AR: variants seen among roughly 807,000 people sequenced by gnomAD.
The protein encoded by AR is androgen receptor, also known as dihydrotestosterone receptor.
AR carries 8 observed loss-of-function variants against 53.9 expected under a neutral mutation model. That is an observed-to-expected ratio of 0.15 (90% CI 0.09 to 0.27). AR has a LOEUF of 0.27. Among genes scored for constraint, AR ranks in the 10% least tolerant of loss-of-function variants. The probability of loss-of-function intolerance (pLI) is 1.00; values close to 1 mark genes in which losing one functional copy is unlikely to be tolerated. For missense variants in AR, 639 were observed against 742.5 expected, an observed-to-expected ratio of 0.86 and a Z score of 1.62; for synonymous variants, 359 against 316.4, an observed-to-expected ratio of 1.13 and a Z score of -1.43.
rs1199867296 is a variant in AR, at chrX:67,643,240, T to C, written c.1617-16T>C. 1 of 1,209,807 alleles carries C rather than the reference T, an allele frequency of 8.3e-7. No individual in the cohort carries two copies. Among genetic ancestry groups the C allele is most frequent in the Non-Finnish European group, 1.1e-6 (1 of 894,978 alleles). ...TTCAGTGACATGTGTTGCATTGGTT[T>C]TTTGTGTCTTTCCAGTTTGGAGACT... On this transcript the variant is annotated splice_polypyrimidine_tract_variant and intron_variant, in intron 1 of 7. Coordinates refer to ENST00000374690, the MANE Select transcript of AR (RefSeq NM_000044.6).
intron 1 of AR, among the ~76,000 whole-genome samples, chrX:67,569,591 A>G (rs780712205): frequency 4.5e-5 from 5 of 111,180 alleles, no homozygotes; most frequent in Non-Finnish European, 7.6e-5. Context: ...TGCTAAGTCA[A>G]TGTGCCTCTG....
chrX:67,712,102 G>A (rs953232404), intron 4 of AR, among the ~76,000 whole-genome samples: 20 of 111,675 alleles, frequency 1.8e-4, no homozygotes, highest in Middle Eastern at 4.6e-3. Context: ...TCATCTTTAG[G>A]AGCTATATCA....
chrX:67,719,127 C>T (rs1027014647), intron 5 of AR, among the ~76,000 whole-genome samples: 1 of 111,515 alleles, frequency 9.0e-6, no homozygotes, highest in African/African-American at 3.3e-5. Context: ...GGAGAGTGAG[C>T]GTCCCCAGCT....
chrX:67,640,275 C>T (rs759123290), intron 1 of AR, among the ~76,000 whole-genome samples: 4 of 110,808 alleles, frequency 3.6e-5, no homozygotes, highest in South Asian at 3.8e-4. Context: ...ATTGGCCTGA[C>T]GTTTTCTTTT....
chrX:67,643,283 G>T lies in AR; in HGVS notation c.1644G>T (p.Leu548Phe), dbSNP rs139524801. The change falls in exon 2 of 8, where the codon TTG becomes TTT. Residue 548 changes from leucine (L) to phenylalanine (F), a missense_variant. This residue lies in a region of AR where 423 missense variants were observed against 377.0 expected (regional missense o/e 1.12). Coordinates refer to ENST00000374690, the MANE Select transcript of AR (RefSeq NM_000044.6). ...MRLETARDHV[L>F]PIDYYFPPQK... Reference sequence around the variant, plus strand: ...TGGAGACTGCCAGGGACCATGTTTTGCCCATTGACTATTACTTTCCACCCC... The same window carrying T: ...TGGAGACTGCCAGGGACCATGTTTTTCCCATTGACTATTACTTTCCACCCC... The T allele has an allele frequency of 1.5e-4, 186 of 1,209,671 alleles. 1 individual carries two copies. The highest frequency in any genetic ancestry group is 9.1e-4 in the Middle Eastern group (4 of 4,374).
intron 1 of AR, among the ~76,000 whole-genome samples, chrX:67,614,657 A>G (rs1472801743): frequency 9.0e-6 from 1 of 111,418 alleles, no homozygotes; most frequent in African/African-American, 3.3e-5. Context: ...GTTTTGAACT[A>G]AAAATTTTGA....
intron 4 of AR, among the ~76,000 whole-genome samples, chrX:67,713,479 C>T (rs1392225992): frequency 8.9e-6 from 1 of 111,902 alleles, no homozygotes; most frequent in Admixed American, 9.5e-5. Flanking sequence ...GTTTAATCTT[C>T]CCAAGCAGTT....
intron 1 of AR, among the ~76,000 whole-genome samples, chrX:67,627,461 C>T (rs1924741989): frequency 1.8e-5 from 2 of 111,831 alleles, no homozygotes; most frequent in Admixed American, 9.5e-5. Context: ...ATCCTTCGCC[C>T]ACTTTTTGAT....
chrX:67,567,051 C>A (rs1205448757), intron 1 of AR, among the ~76,000 whole-genome samples: 1 of 110,980 alleles, frequency 9.0e-6, no homozygotes, highest in Admixed American at 9.6e-5. Context: ...CCTGGCCTCC[C>A]TGCTGTTTTC....
At position 67,648,189 on chromosome X, in the gene AR, A is replaced by G. The variant is rs184057527; in HGVS notation, c.1768+4782A>G. On this transcript the variant is annotated intron_variant, in intron 2 of 7. Coordinates refer to ENST00000374690, the MANE Select transcript of AR (RefSeq NM_000044.6). ...TGGTCCTGAGCTTATTTACTAAACA[A>G]GAGAAAAAATAAATAAGTCTAGAAA... is the stretch of plus-strand genomic sequence containing the variant. 3.6e-5 allele frequency among the ~76,000 whole-genome samples: 4 copies of G among 111,818 alleles called. No homozygotes were observed. In the East Asian group the frequency reaches 1.1e-3, roughly 32 times the overall value.
intron 2 of AR, among the ~76,000 whole-genome samples, chrX:67,664,580 G>C (rs896755802): frequency 1.8e-5 from 2 of 112,309 alleles, no homozygotes; most frequent in African/African-American, 6.5e-5. Flanking sequence ...CACTTGAGGA[G>C]GCAGTCTGTC....
At chrX:67,697,665 G>A (rs2076026537) in intron 3 of AR, among the ~76,000 whole-genome samples, 1 of 110,986 alleles carries the variant, frequency 9.0e-6, no homozygotes, top group Non-Finnish European at 1.9e-5. Flanking sequence ...ACCTTCACTG[G>A]GTTCATCTCA....
chrX:67,682,360 C>T (rs757236386), intron 2 of AR, among the ~76,000 whole-genome samples: 4 of 111,780 alleles, frequency 3.6e-5, no homozygotes, highest in African/African-American at 1.3e-4. Context: ...TCACAGCTTA[C>T]TTCAGCCACG....
At chrX:67,597,932 G>T (rs1053064756) in intron 1 of AR, among the ~76,000 whole-genome samples, 7 of 111,869 alleles carry the variant, frequency 6.3e-5, no homozygotes. Flanking sequence ...GTGAAAGGCA[G>T]CCTGTTGCAA....
At chrX:67,696,459 T>A (rs767177192) in intron 3 of AR, among the ~76,000 whole-genome samples, 1 of 112,107 alleles carries the variant, frequency 8.9e-6, no homozygotes, top group South Asian at 3.7e-4. Flanking sequence ...TGCTGGATCC[T>A]GTGCTTTGGC....
intron 1 of AR, among the ~76,000 whole-genome samples, chrX:67,548,593 C>T (rs2147325461): frequency 9.0e-6 from 1 of 110,996 alleles, no homozygotes; most frequent in South Asian, 3.8e-4. Context: ...CCATCTTCTG[C>T]ATGCCTCCCC....
At position 67,566,253 on chromosome X, in the gene AR, G is replaced by T. The variant is rs765516869; in HGVS notation, c.1616+19491G>T. ...GAGTACCAACTTTCTATCAAACCCTGTGCTGGATTCTGAGGCTACAAAGAG... is the reference window on the plus strand; with the variant it reads ...GAGTACCAACTTTCTATCAAACCCTTTGCTGGATTCTGAGGCTACAAAGAG... On this transcript the variant is annotated intron_variant, in intron 1 of 7. Coordinates refer to ENST00000374690, the MANE Select transcript of AR (RefSeq NM_000044.6). Among the ~76,000 whole-genome samples the T allele has an allele frequency of 1.1e-4, 12 of 111,373 alleles. No individual in the cohort carries two copies. The Admixed American group carries it at 1.1e-3, about 11-fold the overall frequency.
intron 2 of AR, among the ~76,000 whole-genome samples, chrX:67,671,567 T>G (rs1458174602): frequency 1.8e-5 from 2 of 112,389 alleles, no homozygotes; most frequent in Admixed American, 1.9e-4. Context: ...CCTCTGCTGA[T>G]AGTTTCTTCT....
chrX:67,547,198 C>T (rs747801711), intron 1 of AR, among the ~76,000 whole-genome samples: 3 of 111,623 alleles, frequency 2.7e-5, no homozygotes, highest in Non-Finnish European at 3.8e-5. Flanking sequence ...TTTCAGCCTG[C>T]GCAGATTAGA....
Sources: allele counts gnomAD v4.1 joint callset (sites outside exome capture counted in the v4.1 genomes callset), GRCh38; gene constraint gnomAD v4.1.1; regional missense constraint gnomAD v4.1.1; transcripts MANE v1.5; gene names NCBI Gene and HGNC (gene_info 2026-07-23, HGNC 2026-07-21).